The following PAPOLA variants were observed in gnomAD, a reference collection of about 807,000 sequenced individuals.
The protein encoded by PAPOLA is poly(A) polymerase alpha.
A neutral mutation model predicts 100.6 loss-of-function variants in PAPOLA; 15 were observed. That is an observed-to-expected ratio of 0.15 (90% CI 0.10 to 0.23). The LOEUF (loss-of-function observed/expected upper bound fraction) is 0.23, where lower values mean the gene tolerates loss of function less well. Ranked by LOEUF, PAPOLA falls within the 10% of genes least tolerant of loss-of-function variation. The probability of loss-of-function intolerance (pLI) is 1.00; values close to 1 mark genes in which losing one functional copy is unlikely to be tolerated. For synonymous variants in PAPOLA, 293 were observed against 300.0 expected, an observed-to-expected ratio of 0.98 and a Z score of 0.24; for missense variants, 533 against 884.2, an observed-to-expected ratio of 0.60 and a Z score of 5.04.
At chr14:96,542,612 G>C in intron 13 of PAPOLA, 162 bp from the exon 14 acceptor site, 1 of 634,180 alleles carries the variant, frequency 1.6e-6, no homozygotes, top group Non-Finnish European at 2.6e-6. Context: ...AGTGTTTCTT[G>C]GCTCTTTTTT....
chr14:96,558,567 T>C (rs911417263), intron 19 of PAPOLA, among the ~76,000 whole-genome samples: 2 of 152,154 alleles, frequency 1.3e-5, no homozygotes, highest in Admixed American at 1.3e-4. Context: ...GAATATAGAA[T>C]TTTTAAACTT....
chr14:96,545,325 ATAACT>A (rs1049712837), intron 15 of PAPOLA, among the ~76,000 whole-genome samples: 9 of 152,224 alleles, frequency 5.9e-5, no homozygotes, highest in South Asian at 4.1e-4. Context: ...ACACTAGAAG[ATAACT>A]TAAGAGTCAA....
At chr14:96,542,352 C>A in intron 13 of PAPOLA, 56 bp downstream of exon 13, 2 of 1,021,288 alleles carry the variant, frequency 2.0e-6, no homozygotes, top group Non-Finnish European at 3.1e-6. Flanking sequence ...AATCACATAG[C>A]CACTGAACAC....
intron 1 of PAPOLA, among the ~76,000 whole-genome samples, chr14:96,509,279 T>C (rs112527384): frequency 0.014 from 2,130 of 152,304 alleles, 46 homozygotes; most frequent in African/African-American, 0.048. Context: ...CAATCCCACC[T>C]TGGCCTCCCA....
In PAPOLA at chr14:96,536,754, A is replaced by G. The variant is rs75786773; in HGVS notation, c.1031-222A>G. 1,086 of 395,984 alleles carry G rather than the reference A, an allele frequency of 2.7e-3. 4 individuals carry two copies. Among genetic ancestry groups the G allele is most frequent in the African/African-American group, 0.021 (1,013 of 48,680 alleles). The allele number at this position is 395,984 out of a possible 1,614,324, so 24.5% of individuals were successfully genotyped here. On this transcript the variant is annotated intron_variant, in intron 11 of 21. Coordinates refer to ENST00000216277, the MANE Select transcript of PAPOLA (RefSeq NM_032632.5). ...TCTATGAGCATGGCATTTTAGAATA[A>G]TTGTACTTTACCAGAAACCTGGTTC...
chr14:96,510,609 TG>T (rs1190518058), intron 1 of PAPOLA, among the ~76,000 whole-genome samples: 3 of 152,248 alleles, frequency 2.0e-5, no homozygotes, highest in Non-Finnish European at 2.9e-5. Context: ...ATTTTCAGTT[TG>T]GCCTTGGGCT....
intron 21 of PAPOLA, among the ~76,000 whole-genome samples, chr14:96,563,670 G>C (rs929508041): frequency 6.6e-6 from 1 of 152,090 alleles, no homozygotes; most frequent in Non-Finnish European, 1.5e-5. Context: ...TTATTTTAAC[G>C]TGATCATTTA....
chr14:96,552,598 T>C lies in PAPOLA; in HGVS notation c.1640T>C (p.Leu547Ser). Residue 547 changes from leucine to serine, a missense_variant, in exon 17 of 22, where the codon TTG becomes TCG. Around this residue, in one of 9 missense-constraint regions of PAPOLA, gnomAD observed 242 missense variants for 281.0 expected, o/e 0.86. Transcript: ENST00000216277. ...ACTAGTGCTACGAAGACCAGTCCAT[T>C]GAACAGTTCTGGCAGCTCTCAGGGG... is the stretch of plus-strand genomic sequence containing the variant. ...SPTSATKTSP[L>S]NSSGSSQGRN... The C allele has an allele frequency of 6.2e-7, 1 of 1,614,126 alleles. No individual in the cohort carries two copies. The highest frequency in any genetic ancestry group is 1.1e-5 in the South Asian group (1 of 91,086).
At chr14:96,560,772 A>G (rs1450595818) in intron 20 of PAPOLA, 61 bp downstream of exon 20, 2 of 1,044,168 alleles carry the variant, frequency 1.9e-6, no homozygotes, top group South Asian at 1.4e-5. Flanking sequence ...TGTAATAGAA[A>G]TGTCTCTAAA....
Position 96,505,060 on chromosome 14 carries a change from CT to C in PAPOLA, c.8+2464del, listed in dbSNP as rs368455987. On this transcript the variant is annotated intron_variant, in intron 1 of 21. Transcript: ENST00000216277. Reference sequence around the variant, plus strand: ...AATTTCATATGTAGCTACAAACATACTTTTGGAAAGATTATAGTCTGATTTA... The same window carrying C: ...AATTTCATATGTAGCTACAAACATACTTTGGAAAGATTATAGTCTGATTTA... 5.2e-3 allele frequency among the ~76,000 whole-genome samples: 787 copies of C among 152,276 alleles called. 9 individuals are homozygous for C. Among genetic ancestry groups the C allele is most frequent in the African/African-American group, 0.018 (756 of 41,542 alleles).
intron 1 of PAPOLA, among the ~76,000 whole-genome samples, chr14:96,512,912 A>C (rs1292048178): frequency 6.6e-6 from 1 of 152,198 alleles, no homozygotes; most frequent in African/African-American, 2.4e-5. Flanking sequence ...GTACCAAAGA[A>C]GCTCCCTTTT....
At chr14:96,534,601 T>G (rs776328176) in intron 10 of PAPOLA, 38 bp downstream of exon 10, 1 of 1,613,238 alleles carries the variant, frequency 6.2e-7, no homozygotes. Context: ...ATTCACACTG[T>G]GCAATAACAA....
rs1902318682 is a variant in PAPOLA at position 96,566,953 on chromosome 14, G to A, written c.*1903G>A. ...TTTTTAATTATAGTTTTCATAACCT[G>A]GAGATCAGACTGTTGCTTTCGCATG... On this transcript the variant is annotated 3_prime_UTR_variant, in exon 22 of 22. Transcript: ENST00000216277. The A allele has an allele frequency of 6.6e-6, 1 of 152,532 alleles. No homozygotes were observed. 9.4% of individuals were successfully genotyped at this position (152,532 alleles called of 1,614,324 possible). A position where few individuals can be genotyped will look rare whatever the true frequency, so the allele number is the denominator to read the frequency against.
chr14:96,538,420 A>G (rs868629640), intron 12 of PAPOLA, among the ~76,000 whole-genome samples: 1 of 152,002 alleles, frequency 6.6e-6, no homozygotes, highest in Non-Finnish European at 1.5e-5. Context: ...CTTTTTCTAA[A>G]GCTTGCTTAA....
chr14:96,520,884 C>G (rs1168178790), intron 2 of PAPOLA, 122 bp from the exon 3 acceptor site: 2 of 654,340 alleles, frequency 3.1e-6, no homozygotes, highest in Non-Finnish European at 5.6e-6. Flanking sequence ...GCACTAACTA[C>G]AATATACTGT....
chr14:96,556,583 T>C (rs1901357254), intron 19 of PAPOLA, among the ~76,000 whole-genome samples, 170 bp downstream of exon 19: 1 of 152,230 alleles, frequency 6.6e-6, no homozygotes, highest in African/African-American at 2.4e-5. Context: ...CTCTTCACCT[T>C]TCCCATTCTT....
Position 96,555,905 on chromosome 14 carries a change from G to A in PAPOLA, c.1723G>A (p.Glu575Lys). The change falls in exon 18 of 22, where the codon GAA becomes AAA. Residue 575 changes from glutamate (E) to lysine (K), a missense_variant. By Grantham distance (56) the Glu-to-Lys change is moderately conservative. Around this residue, in one of 9 missense-constraint regions of PAPOLA, gnomAD observed 242 missense variants for 281.0 expected, o/e 0.86. Transcript: ENST00000216277. ...ATCTGTGACCAACATACAGGCTACT[G>A]AAGTTTCTGTGCCACAAGTAAATTC... ...AASVTNIQAT[E>K]VSVPQVNSSE... 1 of 1,611,420 alleles carries A rather than the reference G, an allele frequency of 6.2e-7. No homozygotes were observed. The highest frequency in any genetic ancestry group is 8.5e-7 in the Non-Finnish European group (1 of 1,178,112).
At chr14:96,542,347 C>A (rs781392855) in intron 13 of PAPOLA, 51 bp downstream of exon 13, 3 of 1,091,454 alleles carry the variant, frequency 2.7e-6, no homozygotes, top group South Asian at 1.3e-5. Flanking sequence ...AAATGAATCA[C>A]ATAGCCACTG....
chr14:96,529,413 A>T (rs1348448943), intron 6 of PAPOLA, among the ~76,000 whole-genome samples: 3 of 151,722 alleles, frequency 2.0e-5, no homozygotes, highest in Admixed American at 2.0e-4. Flanking sequence ...GTGCTCCTAA[A>T]ATACTGCTTT....
Sources: allele counts gnomAD v4.1 joint callset (sites outside exome capture counted in the v4.1 genomes callset), GRCh38; gene constraint gnomAD v4.1.1; regional missense constraint gnomAD v4.1.1; transcripts MANE v1.5; gene names NCBI Gene and HGNC (gene_info 2026-07-23, HGNC 2026-07-21).